LYRM4: variants seen among roughly 807,000 people sequenced by gnomAD.
LYRM4 encodes LYR motif containing 4.
LYRM4 carries 9 observed loss-of-function variants against 11.7 expected under a neutral mutation model. The observed-to-expected ratio is 0.77, with a 90% CI of 0.46 to 1.34. LYRM4 has a LOEUF of 1.34. LYRM4 is among the 40% of genes most tolerant of loss of function. LYRM4 has a pLI of 0.00. For missense variants in LYRM4, 133 were observed against 112.5 expected (o/e 1.18, Z -0.82); for synonymous variants, 42 against 40.4 (o/e 1.04, Z -0.15).
chr6:5,101,968 C>CCTTTTTTTTTTTTTTTTTTTTTT (rs556454653), downstream of LYRM4, among the ~76,000 whole-genome samples: 1 of 67,988 alleles, frequency 1.5e-5, no homozygotes, highest in Non-Finnish European at 3.0e-5. Context: ...CTAATGCTTT[C>CCTTTTTTTTTTTTTTTTTTTTTT]TTTTTTTTTT....
intron 1 of LYRM4, among the ~76,000 whole-genome samples, chr6:5,253,996 C>T (rs1435066533): frequency 6.6e-6 from 1 of 152,150 alleles, no homozygotes; most frequent in East Asian, 1.9e-4. Context: ...CAAAGCACTT[C>T]CCAAAGCCAA....
chr6:5,058,130 G>A, the LYRM4 span, among the ~76,000 whole-genome samples: 7 of 152,136 alleles, frequency 4.6e-5, no homozygotes, highest in East Asian at 1.9e-4. Flanking sequence ...CCATTTTCCC[G>A]AGACCCAGTG....
At position 5,245,163 on chromosome 6, in the gene LYRM4, T is replaced by TATAA. The variant is rs1373926501; in HGVS notation, c.86+15484_86+15485insTTAT. On this transcript the variant is annotated intron_variant, in intron 1 of 2. Transcript: ENST00000330636. ...ATATATATATATATATATATATATA[T>TATAA]AAAATAGGTGAATTTCTGGAACAAA... Among the ~76,000 whole-genome samples, 111 of 65,224 alleles carry TATAA rather than the reference T, an allele frequency of 1.7e-3. 4 individuals are homozygous for TATAA. The highest frequency in any genetic ancestry group is 2.2e-3 in the Non-Finnish European group (75 of 34,618). 42.8% of individuals were successfully genotyped at this position (65,224 alleles called of 152,430 possible).
the LYRM4 span, among the ~76,000 whole-genome samples, chr6:5,034,987 G>A: frequency 2.0e-5 from 3 of 151,768 alleles, no homozygotes; most frequent in South Asian, 6.2e-4. Context: ...TGCTATACAA[G>A]AAAAGAGTTA....
At chr6:5,115,892 G>T (rs1200841626) in intron 2 of LYRM4, among the ~76,000 whole-genome samples, 2 of 152,100 alleles carry the variant, frequency 1.3e-5, no homozygotes, top group Non-Finnish European at 2.9e-5. Context: ...CATATATTGG[G>T]GCCACCCACA....
chr6:5,242,452 G>C (rs1271026495), intron 1 of LYRM4, among the ~76,000 whole-genome samples: 2 of 151,140 alleles, frequency 1.3e-5, no homozygotes, highest in Non-Finnish European at 2.9e-5. Flanking sequence ...GGGCACAGTG[G>C]CTCAGGCCTG....
intron 1 of LYRM4, among the ~76,000 whole-genome samples, chr6:5,226,896 C>T (rs1482231357): frequency 6.6e-6 from 1 of 151,644 alleles, no homozygotes; most frequent in Non-Finnish European, 1.5e-5. Context: ...AGTAATATAC[C>T]ACAATAAGGA....
chr6:5,225,921 C>T (rs1374544885), intron 1 of LYRM4, among the ~76,000 whole-genome samples: 9 of 152,128 alleles, frequency 5.9e-5, no homozygotes, highest in Admixed American at 3.9e-4. Context: ...ATCTTAATTG[C>T]CTTTTTCTCA....
chr6:5,246,804 C>T (rs2127764224), intron 1 of LYRM4, among the ~76,000 whole-genome samples: 1 of 152,010 alleles, frequency 6.6e-6, no homozygotes, highest in East Asian at 1.9e-4. Flanking sequence ...TCACAGGAGG[C>T]AGGTGAGTAG....
chr6:5,186,982 T>G (rs952140998), intron 2 of LYRM4: 3 of 762,904 alleles, frequency 3.9e-6, no homozygotes, highest in Non-Finnish European at 4.7e-6. Flanking sequence ...AGAGTCCATC[T>G]TAAAAAAAAA....
chr6:5,119,539 C>T (rs1292006919), intron 2 of LYRM4, among the ~76,000 whole-genome samples: 1 of 152,104 alleles, frequency 6.6e-6, no homozygotes, highest in African/African-American at 2.4e-5. Context: ...GTGATCCCAC[C>T]ACTTTGGGAG....
chr6:5,239,201 G>A (rs1226496000), intron 1 of LYRM4, among the ~76,000 whole-genome samples: 3 of 152,170 alleles, frequency 2.0e-5, no homozygotes, highest in Non-Finnish European at 2.9e-5. Flanking sequence ...AGGGAAATAA[G>A]TGAGAGAACC....
At chr6:5,045,975 G>C in the LYRM4 span, among the ~76,000 whole-genome samples, 1 of 152,154 alleles carries the variant, frequency 6.6e-6, no homozygotes, top group Non-Finnish European at 1.5e-5. Flanking sequence ...GCTTTGCAGT[G>C]GGAAGCGGGA....
chr6:5,063,848 C>T, the LYRM4 span, among the ~76,000 whole-genome samples: 1 of 152,192 alleles, frequency 6.6e-6, no homozygotes, highest in African/African-American at 2.4e-5. Context: ...CTCTGCTCAC[C>T]CCAGCATGTC....
chr6:5,097,817 ATG>A, the LYRM4 span, among the ~76,000 whole-genome samples: 1 of 152,134 alleles, frequency 6.6e-6, no homozygotes, highest in African/African-American at 2.4e-5. Context: ...TGTATTAAGC[ATG>A]CACATTGTTA....
intron 2 of LYRM4, among the ~76,000 whole-genome samples, chr6:5,147,968 C>T (rs935245840): frequency 6.6e-6 from 1 of 152,154 alleles, no homozygotes; most frequent in Admixed American, 6.5e-5. Context: ...CCACATGGAG[C>T]GGGAAAACAA....
At chr6:5,058,764 AT>A in the LYRM4 span, among the ~76,000 whole-genome samples, 1 of 151,992 alleles carries the variant, frequency 6.6e-6, no homozygotes, top group African/African-American at 2.4e-5. Flanking sequence ...TCTCCCCACT[AT>A]TTTTATATAT....
the LYRM4 span, among the ~76,000 whole-genome samples, chr6:5,072,038 C>A: frequency 6.6e-6 from 1 of 152,138 alleles, no homozygotes; most frequent in Non-Finnish European, 1.5e-5. Context: ...CCCATGTGTT[C>A]TCATCACTTA....
At chr6:5,249,575 T>A (rs538614377) in intron 1 of LYRM4, among the ~76,000 whole-genome samples, 1 of 152,290 alleles carries the variant, frequency 6.6e-6, no homozygotes, top group South Asian at 2.1e-4. Context: ...TGAGAACCTA[T>A]GAAACCACAC....
Sources: gnomAD v4.1 joint callset for allele counts (sites outside exome capture counted in the v4.1 genomes callset) on GRCh38, gnomAD v4.1.1 for gene constraint, MANE v1.5 for transcripts, NCBI Gene and HGNC (gene_info 2026-07-23, HGNC 2026-07-21) for gene names.